Variants in ERBB4 observed in about 807,000 individuals in gnomAD.
ERBB4 encodes receptor tyrosine-protein kinase erbB-4.
A neutral mutation model predicts 158.0 loss-of-function variants in ERBB4; 42 were observed. The ratio of observed to expected loss-of-function variants is 0.27; its 90% CI spans 0.21 to 0.34. The LOEUF (loss-of-function observed/expected upper bound fraction) is 0.34, where lower values mean the gene tolerates loss of function less well. ERBB4 is among the 10% of genes least tolerant of loss of function. The pLI, the probability that ERBB4 is intolerant of heterozygous loss-of-function variation, is 1.00. For synonymous variants in ERBB4, 583 were observed against 558.7 expected, an observed-to-expected ratio of 1.04 and a Z score of -0.61; for missense variants, 1,333 against 1,624.1, an observed-to-expected ratio of 0.82 and a Z score of 3.08.
intron 25 of ERBB4, among the ~76,000 whole-genome samples, chr2:211,409,639 C>G (rs1211367312): frequency 1.3e-5 from 2 of 152,022 alleles, no homozygotes; most frequent in Non-Finnish European, 2.9e-5. Flanking sequence ...CACTGTGCTC[C>G]CAGTAAGATC....
chr2:212,162,860 G>C (rs1035416527), intron 1 of ERBB4, among the ~76,000 whole-genome samples: 1 of 151,868 alleles, frequency 6.6e-6, no homozygotes, highest in African/African-American at 2.4e-5. Flanking sequence ...TATGAATTAA[G>C]GAATTAATAC....
chr2:211,942,491 G>A (rs1435818648), intron 3 of ERBB4, among the ~76,000 whole-genome samples: 3 of 151,938 alleles, frequency 2.0e-5, no homozygotes, highest in Admixed American at 6.6e-5. Flanking sequence ...TGAGCAGCTG[G>A]GACCGCAGGC....
chr2:212,228,669 A>G (rs1029835634), intron 1 of ERBB4, among the ~76,000 whole-genome samples: 2 of 151,798 alleles, frequency 1.3e-5, no homozygotes, highest in South Asian at 2.1e-4. Context: ...TAAACAAAAA[A>G]TCAGTAAACC....
chr2:211,525,678 C>T (rs1171262210), intron 20 of ERBB4, among the ~76,000 whole-genome samples: 2 of 152,128 alleles, frequency 1.3e-5, no homozygotes, highest in African/African-American at 4.8e-5. Flanking sequence ...TCTTGGATGA[C>T]ATTTCTGGAC....
At chr2:211,947,176 C>T (rs1475803488) in intron 3 of ERBB4, among the ~76,000 whole-genome samples, 1 of 152,098 alleles carries the variant, frequency 6.6e-6, no homozygotes, top group Non-Finnish European at 1.5e-5. Flanking sequence ...AGTTTTCAGT[C>T]ACAGAGCATT....
chr2:211,657,555 G>A (rs569869822), intron 16 of ERBB4, 199 bp downstream of exon 16: 10 of 582,006 alleles, frequency 1.7e-5, no homozygotes, highest in Non-Finnish European at 3.1e-5. Flanking sequence ...TGGGACTCTT[G>A]TATCACAATG....
intron 2 of ERBB4, among the ~76,000 whole-genome samples, chr2:212,028,321 C>G (rs989943260): frequency 6.6e-6 from 1 of 152,066 alleles, no homozygotes; most frequent in East Asian, 1.9e-4. Context: ...AAGCGACTCA[C>G]TATATTTTAA....
At chr2:211,959,743 T>A (rs993822748) in intron 2 of ERBB4, among the ~76,000 whole-genome samples, 2 of 152,128 alleles carry the variant, frequency 1.3e-5, no homozygotes, top group Admixed American at 1.3e-4. Flanking sequence ...TTTTGCCTAT[T>A]TTGGTGTCAT....
intron 19 of ERBB4, among the ~76,000 whole-genome samples, chr2:211,596,717 C>T (rs1361274139): frequency 1.3e-5 from 2 of 152,016 alleles, no homozygotes; most frequent in African/African-American, 4.8e-5. Context: ...AAATGCCCTT[C>T]TCCTACATGT....
At chr2:211,590,690 CGATAAAACTCT>C (rs2068433356) in intron 19 of ERBB4, among the ~76,000 whole-genome samples, 1 of 152,076 alleles carries the variant, frequency 6.6e-6, no homozygotes, top group South Asian at 2.1e-4. Context: ...ATTCGAGTAA[CGATAAAACTCT>C]GGTTTCCCGC....
intron 3 of ERBB4, among the ~76,000 whole-genome samples, chr2:211,885,990 T>C (rs770725667): frequency 1.3e-5 from 2 of 152,214 alleles, no homozygotes; most frequent in Non-Finnish European, 2.9e-5. Flanking sequence ...ATAAATTTTC[T>C]ATACGTCAAA....
At chr2:211,558,207 C>A (rs1559294013) in intron 20 of ERBB4, among the ~76,000 whole-genome samples, 2 of 152,154 alleles carry the variant, frequency 1.3e-5, no homozygotes, top group African/African-American at 4.8e-5. Context: ...AATCAAGGAA[C>A]AGGGAGGCCT....
At chr2:212,257,618 C>T (rs1260343138) in intron 1 of ERBB4, among the ~76,000 whole-genome samples, 1 of 152,112 alleles carries the variant, frequency 6.6e-6, no homozygotes, top group Non-Finnish European at 1.5e-5. Context: ...AGACCCGAAA[C>T]TTTAACCACC....
intron 20 of ERBB4, among the ~76,000 whole-genome samples, chr2:211,458,815 TC>T (rs1468924547): frequency 6.6e-6 from 1 of 152,042 alleles, no homozygotes; most frequent in African/African-American, 2.4e-5. Context: ...CACAATGAAA[TC>T]CTTCAGCCAT....
At chr2:212,194,263 A>G (rs2082356951) in intron 1 of ERBB4, among the ~76,000 whole-genome samples, 1 of 147,788 alleles carries the variant, frequency 6.8e-6, no homozygotes, top group African/African-American at 2.5e-5. Context: ...ATGAGGAGAA[A>G]TAATTTATAT....
chr2:211,585,079 G>A (rs560725451), intron 19 of ERBB4, among the ~76,000 whole-genome samples: 13 of 152,082 alleles, frequency 8.5e-5, no homozygotes, highest in African/African-American at 2.9e-4. Context: ...CTGGCCGGGC[G>A]CAGTGGCTCA....
intron 20 of ERBB4, among the ~76,000 whole-genome samples, chr2:211,553,975 T>C (rs1490947532): frequency 6.6e-6 from 1 of 152,224 alleles, no homozygotes; most frequent in Non-Finnish European, 1.5e-5. Flanking sequence ...AAATGCGGCA[T>C]AGATGTTAAT....
At chr2:211,924,327 T>C (rs2079957119) in intron 3 of ERBB4, among the ~76,000 whole-genome samples, 1 of 152,166 alleles carries the variant, frequency 6.6e-6, no homozygotes, top group Non-Finnish European at 1.5e-5. Context: ...ATTCATTTGG[T>C]ATCCAGTAAA....
chr2:211,607,550 A>G (rs1354721353), intron 19 of ERBB4, among the ~76,000 whole-genome samples: 1 of 152,198 alleles, frequency 6.6e-6, no homozygotes, highest in African/African-American at 2.4e-5. Flanking sequence ...TTGAGATCCA[A>G]CACCCTCACT....
Sources: gnomAD v4.1 joint callset for allele counts (sites outside exome capture counted in the v4.1 genomes callset) on GRCh38, gnomAD v4.1.1 for gene constraint, MANE v1.5 for transcripts, NCBI Gene and HGNC (gene_info 2026-07-23, HGNC 2026-07-21) for gene names.